The following KANSL1L variants were observed in gnomAD, a reference collection of about 807,000 sequenced individuals.
KANSL1L encodes the protein KAT8 regulatory NSL complex subunit 1 like, also known as KAT8 regulatory NSL complex subunit 1-like protein.
In KANSL1L, 25 loss-of-function variants were observed where a neutral mutation model predicts 108.6. The observed-to-expected ratio is 0.23, with a 90% CI of 0.17 to 0.32. The LOEUF is 0.32. Among genes scored for constraint, KANSL1L ranks in the 10% least tolerant of loss-of-function variants. The pLI is 1.00. For synonymous variants in KANSL1L, 405 were observed against 395.1 expected, an observed-to-expected ratio of 1.03 and a Z score of -0.30; for missense variants, 1,137 against 1,125.7, an observed-to-expected ratio of 1.01 and a Z score of -0.14.
At chr2:210,025,488 G>A (rs2093923954) in intron 12 of KANSL1L, among the ~76,000 whole-genome samples, 3 of 152,206 alleles carry the variant, frequency 2.0e-5, no homozygotes, top group Non-Finnish European at 4.4e-5. Flanking sequence ...GCGGGAGGCG[G>A]AGGTTGCAGT....
At chr2:210,103,993 T>C in intron 4 of KANSL1L, 111 bp downstream of exon 4, 1 of 805,880 alleles carries the variant, frequency 1.2e-6, no homozygotes, top group Non-Finnish European at 2.0e-6. Flanking sequence ...GATGGCCTAG[T>C]TTAATAACAC....
intron 1 of KANSL1L, among the ~76,000 whole-genome samples, chr2:210,158,693 T>C (rs181529396): frequency 3.8e-5 from 5 of 132,872 alleles, no homozygotes; most frequent in Admixed American, 3.7e-4. Context: ...TTCCCAAGTG[T>C]ATCCTTATAA....
intron 1 of KANSL1L, among the ~76,000 whole-genome samples, chr2:210,164,045 A>C (rs990602487): frequency 2.6e-4 from 39 of 152,190 alleles, no homozygotes; most frequent in African/African-American, 9.2e-4. Context: ...CAATAGAAAT[A>C]TGAAGTGGCT....
intron 2 of KANSL1L, among the ~76,000 whole-genome samples, chr2:210,135,096 C>G (rs887243140): frequency 1.3e-5 from 2 of 152,132 alleles, no homozygotes; most frequent in Non-Finnish European, 2.9e-5. Flanking sequence ...CAGGAACTAT[C>G]ATATATGGCC....
At chr2:210,162,242 A>ATATATATG (rs67616724) in intron 1 of KANSL1L, among the ~76,000 whole-genome samples, 2 of 142,144 alleles carry the variant, frequency 1.4e-5, no homozygotes, top group Non-Finnish European at 3.0e-5. Context: ...ATATATATAT[A>ATATATATG]TGTATATCAA....
rs910813688 is a variant in KANSL1L, at chr2:210,075,646, G to A, written c.1661C>T (p.Thr554Ile). Residue 554 changes from threonine (T) to isoleucine (I), a missense_variant, in exon 6 of 15, where the codon ACT (threonine) becomes ATT (isoleucine). Around this residue, in one of 3 missense-constraint regions of KANSL1L, gnomAD observed 575 missense variants for 567.1 expected, o/e 1.01. Coordinates refer to ENST00000281772, the MANE Select transcript of KANSL1L (RefSeq NM_152519.4). ...TGTTCGGGCTGATGTACTCATGAAA[G>A]TCAAGGATGAAGATTTCAGTCTTGT... is the stretch of plus-strand genomic sequence containing the variant. ...DRTRLKSSSL[T>I]FMSTSARTRP... 1.2e-6 allele frequency: 2 copies of A among 1,613,884 alleles called. No individual in the cohort carries two copies. The highest frequency in any genetic ancestry group is 1.3e-5 in the African/African-American group (1 of 75,030).
chr2:210,099,602 C>A (rs1370079601), intron 4 of KANSL1L, among the ~76,000 whole-genome samples: 1 of 152,134 alleles, frequency 6.6e-6, no homozygotes, highest in Non-Finnish European at 1.5e-5. Context: ...AGCAAGTAAT[C>A]ATTAGTCATG....
chr2:210,142,691 T>C (rs978841442), intron 2 of KANSL1L, among the ~76,000 whole-genome samples: 8 of 152,164 alleles, frequency 5.3e-5, no homozygotes, highest in African/African-American at 1.9e-4. Context: ...TCAAGATATT[T>C]TAAAATTTCT....
intron 1 of KANSL1L, among the ~76,000 whole-genome samples, chr2:210,157,664 T>C (rs2095340815): frequency 7.9e-6 from 1 of 126,252 alleles, no homozygotes; most frequent in South Asian, 2.4e-4. Context: ...CCCTCCAGCC[T>C]GAGCAACAGA....
chr2:210,171,911 G>C (rs263676), upstream of KANSL1L: 151,492 of 151,674 alleles, frequency 1, 75,655 homozygotes, highest in Non-Finnish European at 1. Flanking sequence ...GCGTTCAAAT[G>C]CGCTCATAAT....
At chr2:210,061,784 T>TTTTTA (rs1289159388) in intron 6 of KANSL1L, among the ~76,000 whole-genome samples, 3 of 152,142 alleles carry the variant, frequency 2.0e-5, no homozygotes, top group Admixed American at 2.0e-4. Context: ...CCTTAGAAAC[T>TTTTTA]ACGTGAAGTT....
chr2:210,096,674 C>T (rs1410158961), intron 5 of KANSL1L: 2 of 978,434 alleles, frequency 2.0e-6, no homozygotes, highest in Non-Finnish European at 2.4e-6. Context: ...TTATGACTTT[C>T]CTAATTAGGA....
Position 210,029,915 on chromosome 2 carries a change from T to C in KANSL1L, c.2159A>G (p.Glu720Gly). 1 of 1,531,650 alleles carries C rather than the reference T, an allele frequency of 6.5e-7. No individual in the cohort carries two copies. Among genetic ancestry groups the C allele is most frequent in the South Asian group, 1.1e-5 (1 of 87,592 alleles). The allele number at this position is 1,531,650 out of a possible 1,614,324, so 94.9% of individuals were successfully genotyped here. ...KRHLSETALGERTKLEESDFQ... is the reference protein window; with the variant it reads ...KRHLSETALGGRTKLEESDFQ... ...ATCAGATTCTTCAAGTTTAGTTCTT[T>C]CTCCTGCCATGGAAAGAACCATTGA... is the stretch of plus-strand genomic sequence containing the variant. The change falls in exon 10 of 15, where the codon GAA (glutamate) becomes GGA (glycine). Residue 720 changes from glutamate to glycine, a missense_variant. By Grantham distance (98) the Glu-to-Gly change is moderately conservative (BLOSUM62 -2). Around this residue, in one of 3 missense-constraint regions of KANSL1L, gnomAD observed 575 missense variants for 567.1 expected, o/e 1.01. Transcript: ENST00000281772.
intron 2 of KANSL1L, among the ~76,000 whole-genome samples, chr2:210,135,882 G>A (rs529432540): frequency 9.2e-5 from 14 of 152,222 alleles, no homozygotes; most frequent in African/African-American, 1.4e-4. Context: ...TCTTTAAGAT[G>A]AGCCTTACTG....
intron 2 of KANSL1L, among the ~76,000 whole-genome samples, chr2:210,129,432 A>G (rs1026866160): frequency 1.3e-5 from 2 of 152,188 alleles, no homozygotes; most frequent in African/African-American, 4.8e-5. Flanking sequence ...TCAATTCTTT[A>G]TCAGTGCAGA....
At chr2:210,169,069 T>C (rs1216775059) in intron 1 of KANSL1L, among the ~76,000 whole-genome samples, 1 of 152,072 alleles carries the variant, frequency 6.6e-6, no homozygotes, top group Non-Finnish European at 1.5e-5. Context: ...AAAGACATAA[T>C]GGGAGGCACA....
At chr2:210,144,847 A>G (rs2095254548) in intron 2 of KANSL1L, among the ~76,000 whole-genome samples, 2 of 152,162 alleles carry the variant, frequency 1.3e-5, no homozygotes, top group Non-Finnish European at 2.9e-5. Flanking sequence ...CTGGAAAAGT[A>G]TCATGTTCTT....
chr2:210,085,519 A>G (rs1482085824), intron 5 of KANSL1L, among the ~76,000 whole-genome samples: 2 of 152,146 alleles, frequency 1.3e-5, no homozygotes, highest in Non-Finnish European at 2.9e-5. Context: ...TTTGTCAAAT[A>G]TTTGTCTGAT....
intron 5 of KANSL1L, among the ~76,000 whole-genome samples, chr2:210,078,547 A>T (rs993320813): frequency 6.6e-6 from 1 of 152,230 alleles, no homozygotes; most frequent in Non-Finnish European, 1.5e-5. Flanking sequence ...TTTCACTACT[A>T]ATCAATGTGC....
Sources: allele counts gnomAD v4.1 joint callset (sites outside exome capture counted in the v4.1 genomes callset), GRCh38; gene constraint gnomAD v4.1.1; regional missense constraint gnomAD v4.1.1; transcripts MANE v1.5; gene names NCBI Gene and HGNC (gene_info 2026-07-23, HGNC 2026-07-21).